Variants in BANP observed in about 807,000 individuals in gnomAD.
BANP encodes BTG3 associated nuclear protein.
In BANP, 11 loss-of-function variants were observed where a neutral mutation model predicts 68.1. The ratio of observed to expected loss-of-function variants is 0.16; its 90% CI spans 0.10 to 0.27. The LOEUF (loss-of-function observed/expected upper bound fraction) is 0.27. Ranked by LOEUF, BANP falls within the 10% of genes least tolerant of loss-of-function variation. The pLI, the probability that BANP is intolerant of heterozygous loss-of-function variation, is 1.00. For synonymous variants in BANP, 329 were observed against 303.2 expected (o/e 1.09, Z -0.88); for missense variants, 504 against 722.7 (o/e 0.70, Z 3.47).
chr16:87,967,475 G>C (rs2060250326), intron 1 of BANP, among the ~76,000 whole-genome samples: 1 of 151,472 alleles, frequency 6.6e-6, no homozygotes, highest in Non-Finnish European at 1.5e-5. Flanking sequence ...TTGTTTTTTT[G>C]AGACGGATCT....
At chr16:87,994,304 G>A (rs538022434) in intron 4 of BANP, among the ~76,000 whole-genome samples, 8 of 152,332 alleles carry the variant, frequency 5.3e-5, no homozygotes, top group African/African-American at 9.6e-5. Flanking sequence ...AAACATACCC[G>A]TCCTTGAGCT....
At position 87,975,202 on chromosome 16, in the gene BANP, C is replaced by T. The variant is rs1338421053; in HGVS notation, c.70+17C>T. ...ACCACCCAGGTACAGAGCTGTGGGACAGTAGGTGAAATATTATTCTCTTTA... is the reference window on the plus strand; with the variant it reads ...ACCACCCAGGTACAGAGCTGTGGGATAGTAGGTGAAATATTATTCTCTTTA... On this transcript the variant is annotated intron_variant, in intron 2 of 13. Coordinates refer to ENST00000682872, the MANE Select transcript of BANP (RefSeq NM_001386991.1). 6.2e-7 allele frequency: 1 copy of T among 1,612,466 alleles called. No individual in the cohort carries two copies. Among genetic ancestry groups the T allele is most frequent in the Non-Finnish European group, 8.5e-7 (1 of 1,178,586 alleles).
intron 4 of BANP, among the ~76,000 whole-genome samples, chr16:87,995,295 G>A (rs2066898892): frequency 6.6e-6 from 1 of 152,232 alleles, no homozygotes; most frequent in Non-Finnish European, 1.5e-5. Flanking sequence ...TTTTCCTCCT[G>A]CTGAAGCTCT....
intron 4 of BANP, among the ~76,000 whole-genome samples, chr16:88,001,855 T>C (rs2069453852): frequency 6.6e-6 from 1 of 150,878 alleles, no homozygotes; most frequent in African/African-American, 2.4e-5. Flanking sequence ...GCAACAGAAA[T>C]AGGGATGTAG....
chr16:87,974,828 TC>T (rs2061724835), intron 1 of BANP, among the ~76,000 whole-genome samples: 1 of 152,136 alleles, frequency 6.6e-6, no homozygotes, highest in African/African-American at 2.4e-5. Flanking sequence ...GGGTGGCTCG[TC>T]CAGTGGTTAA....
chr16:87,981,276 G>A (rs915013059), intron 3 of BANP, 149 bp downstream of exon 3: 34 of 660,470 alleles, frequency 5.1e-5, no homozygotes, highest in African/African-American at 4.7e-4. Flanking sequence ...GCAGGGTCTC[G>A]CTCCCTCCAA....
Position 88,013,475 on chromosome 16 carries a change from C to G in BANP, c.656-4953C>G, listed in dbSNP as rs574476274. On this transcript the variant is annotated intron_variant, in intron 6 of 13. Coordinates refer to ENST00000682872, the MANE Select transcript of BANP (RefSeq NM_001386991.1). ...TCCCTCAGTGCAGTGTGAGGTGGGC[C>G]CGCCCCATGCCTAGTTCCTAGACCG... 4.3e-3 allele frequency among the ~76,000 whole-genome samples: 654 copies of G among 151,990 alleles called. 6 individuals carry two copies. Among genetic ancestry groups the G allele is most frequent in the Non-Finnish European group, 7.4e-3 (502 of 67,960 alleles).
intron 4 of BANP, among the ~76,000 whole-genome samples, chr16:87,992,553 G>T (rs2066119105): frequency 6.6e-6 from 1 of 152,098 alleles, no homozygotes; most frequent in Admixed American, 6.5e-5. Flanking sequence ...CAGCACTTTG[G>T]GAGGCTGAGG....
At chr16:88,053,296 T>G (rs2083810656) in intron 11 of BANP, among the ~76,000 whole-genome samples, 1 of 132,726 alleles carries the variant, frequency 7.5e-6, no homozygotes, top group African/African-American at 3.0e-5. Context: ...CACAGTCCCC[T>G]TCACCACCAC....
At chr16:87,970,662 G>A (rs2060936078) in intron 1 of BANP, among the ~76,000 whole-genome samples, 2 of 152,096 alleles carry the variant, frequency 1.3e-5, no homozygotes. Context: ...TTGATAGTCT[G>A]CTTTTCTTGT....
At chr16:87,956,189 A>C (rs367726546) in intron 1 of BANP, among the ~76,000 whole-genome samples, 1 of 152,244 alleles carries the variant, frequency 6.6e-6, no homozygotes, top group Non-Finnish European at 1.5e-5. Context: ...CATGACATGG[A>C]GTCGCAAGGC....
chr16:87,996,472 G>A lies in BANP; in HGVS notation c.363-7823G>A, dbSNP rs202019594. On this transcript the variant is annotated intron_variant, in intron 4 of 13. Coordinates refer to ENST00000682872, the MANE Select transcript of BANP (RefSeq NM_001386991.1). ...TCGTCCGGGTGCCAGCTGGGCTCTG[G>A]TTCTGAGTGTTGCTGGGCCCTCGTC... is the stretch of plus-strand genomic sequence containing the variant. 1.2e-3 allele frequency among the ~76,000 whole-genome samples: 99 copies of A among 85,388 alleles called. 1 individual carries two copies. The East Asian group carries it at 0.023, about 20-fold the overall frequency. The allele number at this position is 85,388 out of a possible 152,430, so 56.0% of individuals were successfully genotyped here. A position where few individuals can be genotyped will look rare whatever the true frequency, so the allele number is the denominator to read the frequency against.
chr16:88,065,241 A>G (rs775296755), intron 11 of BANP, 26 bp from the exon 12 acceptor site: 1 of 720,960 alleles, frequency 1.4e-6, no homozygotes, highest in Non-Finnish European at 2.5e-6. Flanking sequence ...GCTCCAGGGG[A>G]AAATTCGTTT....
chr16:87,963,351 A>G (rs2059514896), intron 1 of BANP: 2 of 152,254 alleles, frequency 1.3e-5, no homozygotes, highest in Admixed American at 6.5e-5. Context: ...TTTTTACAGC[A>G]GGGAATATAC....
At position 88,006,034 on chromosome 16, in the gene BANP, G is replaced by A. The variant is rs955712609; in HGVS notation, c.480-56G>A. 41 of 1,610,578 alleles carry A rather than the reference G, an allele frequency of 2.5e-5. No individual in the cohort carries two copies. In the African/African-American group the frequency reaches 3.3e-4, roughly 13 times the overall value. On this transcript the variant is annotated intron_variant, in intron 5 of 13. Transcript: ENST00000682872. ...TGCGATAAGGAAAGCGCTGACCTTC[G>A]CGTGCTGCTTGCGGCTCTTACCACA...
In BANP at chr16:88,057,689, C is replaced by T. The variant is rs72818556; in HGVS notation, c.1312-7578C>T. 0.1 allele frequency among the ~76,000 whole-genome samples: 14,087 copies of T among 138,632 alleles called. 1,229 individuals carry two copies. Among genetic ancestry groups the T allele is most frequent in the African/African-American group, 0.24 (9,422 of 38,642 alleles). The allele number at this position is 138,632 out of a possible 152,430, so 90.9% of individuals were successfully genotyped here. A position where few individuals can be genotyped will look rare whatever the true frequency, so the allele number is the denominator to read the frequency against. On this transcript the variant is annotated intron_variant, in intron 11 of 13. Coordinates refer to ENST00000682872, the MANE Select transcript of BANP (RefSeq NM_001386991.1). This position sits in a 1 kb window ranked among gnomAD's most constrained non-coding sequence, Gnocchi z 4.6. The stretch of plus-strand genomic sequence containing the variant: ...TTCTTACATCCCAGAAGGGAAGTTG[C>T]GGCACTGTGCGAGACAGTCTGACTT...
intron 11 of BANP, among the ~76,000 whole-genome samples, chr16:88,045,054 T>G (rs1236119312): frequency 2.6e-5 from 4 of 152,186 alleles, no homozygotes. Context: ...TTTTGATAAA[T>G]CAAAAGATAA....
rs562184722 is a variant in BANP, at chr16:88,047,148, G to A, written c.1311+9137G>A. The stretch of plus-strand genomic sequence containing the variant: ...CATGAACTCGTGCGGTCCTGGGTGG[G>A]AGGTGGCATTGTTTGTGTTGTTTAA... On this transcript the variant is annotated intron_variant, in intron 11 of 13. Transcript: ENST00000682872. Among the ~76,000 whole-genome samples, 4 of 152,302 alleles carry A rather than the reference G, an allele frequency of 2.6e-5. No individual in the cohort carries two copies. In the South Asian group the frequency reaches 6.2e-4, roughly 24 times the overall value.
intron 11 of BANP, among the ~76,000 whole-genome samples, chr16:88,043,146 C>G (rs1390919808): frequency 6.6e-6 from 1 of 152,156 alleles, no homozygotes; most frequent in African/African-American, 2.4e-5. Flanking sequence ...CTCTTGCCCT[C>G]CGCCGCATCC....
Sources: allele counts gnomAD v4.1 joint callset (sites outside exome capture counted in the v4.1 genomes callset), GRCh38; gene constraint gnomAD v4.1.1; non-coding constraint Gnocchi (gnomAD v3.1); transcripts MANE v1.5; gene names NCBI Gene and HGNC (gene_info 2026-07-23, HGNC 2026-07-21).